Variants in PKD1 observed in about 807,000 individuals in gnomAD.
PKD1 encodes polycystin 1, transient receptor potential channel interacting.
A neutral mutation model predicts 361.7 loss-of-function variants in PKD1; 81 were observed. The observed-to-expected ratio is 0.22, with a 90% confidence interval of 0.19 to 0.27. The LOEUF is 0.27. Among genes scored for constraint, PKD1 ranks in the 10% least tolerant of loss-of-function variants. The pLI, the probability that PKD1 is intolerant of heterozygous loss-of-function variation, is 1.00. For synonymous variants in PKD1, 3,615 were observed against 2,818.3 expected, an observed-to-expected ratio of 1.28 and a Z score of -8.95; for missense variants, 6,399 against 6,118.3, an observed-to-expected ratio of 1.05 and a Z score of -1.53.
intron 6 of PKD1, among the ~76,000 whole-genome samples, 199 bp downstream of exon 6, chr16:2,117,290 T>G (rs1487156507): frequency 6.6e-6 from 1 of 152,102 alleles, no homozygotes; most frequent in African/African-American, 2.4e-5. Flanking sequence ...CCCAGGAGTG[T>G]CCGGAGGCTG....
chr16:2,116,647 G>C lies in PKD1; in HGVS notation c.1607-3C>G. 1 of 1,488,716 alleles carries C rather than the reference G, an allele frequency of 6.7e-7. No individual in the cohort carries two copies. Among genetic ancestry groups the C allele is most frequent in the Non-Finnish European group, 9.1e-7 (1 of 1,101,286 alleles). The allele number at this position is 1,488,716 out of a possible 1,614,324, so 92.2% of individuals were successfully genotyped here. ...GTTCTCGGCATCCTGCACTGGGCCT[G>C]GGGTGGCGAGTGCACAGTGAGGCGC... On this transcript the variant is annotated splice_polypyrimidine_tract_variant and splice_region_variant and intron_variant, in intron 7 of 45. Coordinates refer to ENST00000262304, the MANE Select transcript of PKD1 (RefSeq NM_001009944.3).
chr16:2,104,697 C>T, intron 21 of PKD1, 55 bp from the exon 22 acceptor site: 1 of 1,031,166 alleles, frequency 9.7e-7, no homozygotes, highest in Non-Finnish European at 1.4e-6. Context: ...CTTGCACACG[C>T]CCTCCTCTCT....
rs1453003103 is a variant in PKD1 at position 2,110,174 on chromosome 16, T to A, written c.4993A>T (p.Ser1665Cys). Residue 1665 changes from serine (S) to cysteine (C), a missense_variant, in exon 15 of 46, where the codon AGC (serine) becomes TGC (cysteine). Physicochemically the swap from Ser to Cys is moderately radical, Grantham distance 112. Transcript: ENST00000262304. Reference sequence around the variant, plus strand: ...CCCCTGTCCCTCCAGGCAGTCCAGCTGTAGGAGACGTTGGTGCCATCCCTA... The same window carrying A: ...CCCCTGTCCCTCCAGGCAGTCCAGCAGTAGGAGACGTTGGTGCCATCCCTA... The part of the protein sequence containing the change: ...VVRDGTNVSY[S>C]WTAWRDRGPA... The A allele has an allele frequency of 1.9e-6, 3 of 1,610,954 alleles. No homozygotes were observed. The South Asian group carries it at 3.3e-5, about 18-fold the overall frequency.
In PKD1 at chr16:2,089,601, C is replaced by A. The variant is rs968737633; in HGVS notation, c.*126G>T. 2 of 1,197,518 alleles carry A rather than the reference C, an allele frequency of 1.7e-6. No individual in the cohort carries two copies. The highest frequency in any genetic ancestry group is 3.0e-5 in the African/African-American group (2 of 66,642). 74.2% of individuals were successfully genotyped at this position (1,197,518 alleles called of 1,614,324 possible). A position where few individuals can be genotyped will look rare whatever the true frequency, so the allele number is the denominator to read the frequency against. ...TGAAGCCCACAGACAGACAGATGCC[C>A]CTGCCTGCTCTCTGGGGAACCTACG... On this transcript the variant is annotated 3_prime_UTR_variant, in exon 46 of 46. Coordinates refer to ENST00000262304, the MANE Select transcript of PKD1 (RefSeq NM_001009944.3).
chr16:2,105,210 A>T, intron 21 of PKD1, 112 bp downstream of exon 21: 1 of 1,001,404 alleles, frequency 1.0e-6, no homozygotes, highest in East Asian at 2.6e-5. Flanking sequence ...GGCAGGAAGG[A>T]GCCCAGGCTG....
chr16:2,104,268 G>C (rs1408900775), intron 22 of PKD1, among the ~76,000 whole-genome samples: 19 of 55,702 alleles, frequency 3.4e-4, no homozygotes, highest in East Asian at 1.5e-3. Context: ...CGGGGAGGAC[G>C]GGGGGGGAAA....
chr16:2,092,351 G>A, intron 39 of PKD1, 129 bp downstream of exon 39: 1 of 982,536 alleles, frequency 1.0e-6, no homozygotes, highest in East Asian at 2.6e-5. Context: ...ATACAGAGAA[G>A]GAAACGGCGG....
Position 2,110,956 on chromosome 16 carries a change from G to A in PKD1, c.4211C>T (p.Ala1404Val). 6.2e-7 allele frequency: 1 copy of A among 1,610,742 alleles called. No individual in the cohort carries two copies. Among genetic ancestry groups the A allele is most frequent in the Non-Finnish European group, 8.5e-7 (1 of 1,179,752 alleles). The part of the protein sequence containing the change: ...LGDEAWLVAC[A>V]WPPFPYRYTW... ...GTAGCGGTAGGGGAACGGGGGCCAGGCACATGCCACCAGCCAGGCCTCGTC... is the reference window on the plus strand; with the variant it reads ...GTAGCGGTAGGGGAACGGGGGCCAGACACATGCCACCAGCCAGGCCTCGTC... Residue 1404 changes from alanine (A) to valine (V), a missense_variant, in exon 15 of 46, where the codon GCC (alanine) becomes GTC (valine). Physicochemically the swap from Ala to Val is moderately conservative, Grantham distance 64. Coordinates refer to ENST00000262304, the MANE Select transcript of PKD1 (RefSeq NM_001009944.3).
intron 32 of PKD1, 98 bp downstream of exon 32, chr16:2,097,630 A>C: frequency 6.2e-7 from 1 of 1,610,478 alleles, no homozygotes; most frequent in South Asian, 1.1e-5. Context: ...GACCACATGG[A>C]GCCACAGACA....
intron 24 of PKD1, 50 bp downstream of exon 24, chr16:2,102,764 T>A (rs1226679175): frequency 1.2e-6 from 2 of 1,608,316 alleles, no homozygotes; most frequent in East Asian, 4.5e-5. Flanking sequence ...CAGGCAATGC[T>A]GACCCATGAT....
At chr16:2,127,129 G>A (rs1438652811) in intron 1 of PKD1, among the ~76,000 whole-genome samples, 1 of 152,168 alleles carries the variant, frequency 6.6e-6, no homozygotes, top group African/African-American at 2.4e-5. Context: ...AAAGACTCTC[G>A]GTGCCCACCA....
In PKD1 at chr16:2,097,129, C is replaced by G; in HGVS notation, c.10499+19G>C. ...CCCTCCTCTGGCAATCCCCCCTCCC[C>G]CGAGAGCCGGACACTCACAGGCTGC... On this transcript the variant is annotated intron_variant, in intron 34 of 45. Coordinates refer to ENST00000262304, the MANE Select transcript of PKD1 (RefSeq NM_001009944.3). The G allele has an allele frequency of 1.3e-6, 2 of 1,541,992 alleles. No homozygotes were observed.
chr16:2,098,625 G>A (rs1198906826), intron 30 of PKD1, among the ~76,000 whole-genome samples: 7 of 144,718 alleles, frequency 4.8e-5, no homozygotes, highest in African/African-American at 1.9e-4. Context: ...TCTGTGTGCT[G>A]CTGGGGTTAG....
Position 2,109,253 on chromosome 16 carries a change from T to C in PKD1, c.5914A>G (p.Ser1972Gly), listed in dbSNP as rs1271559004. Residue 1972 changes from serine to glycine, a missense_variant, in exon 15 of 46, where the codon AGT (serine) becomes GGT (glycine). Coordinates refer to ENST00000262304, the MANE Select transcript of PKD1 (RefSeq NM_001009944.3). ...QVRIVVLEAVSGLQVPNCCEP... is the reference protein window; with the variant it reads ...QVRIVVLEAVGGLQVPNCCEP... ...CAGCAGTTGGGCACCTGCAGCCCACTCACGGCCTCCAGCACCACGATGCGC... is the reference window on the plus strand; with the variant it reads ...CAGCAGTTGGGCACCTGCAGCCCACCCACGGCCTCCAGCACCACGATGCGC... 1 of 1,586,068 alleles carries C rather than the reference T, an allele frequency of 6.3e-7. No homozygotes were observed. Among genetic ancestry groups the C allele is most frequent in the Non-Finnish European group, 8.6e-7 (1 of 1,165,870 alleles).
intron 20 of PKD1, 77 bp from the exon 21 acceptor site, chr16:2,105,551 C>T (rs2151767715): frequency 1.9e-6 from 3 of 1,595,010 alleles, no homozygotes; most frequent in Non-Finnish European, 2.5e-6. Context: ...CCCACGACTC[C>T]CGGGGTGCAG....
At position 2,108,566 on chromosome 16, in the gene PKD1, G is replaced by T; in HGVS notation, c.6601C>A (p.Pro2201Thr). ...RTASCQRPGR[P>T]ARVALPGVDV... ...ACGCCGGGCAGGGCCACACGCGCTGGGCGCCCCGGCCGCTGGCAGCTGGCG... is the reference window on the plus strand; with the variant it reads ...ACGCCGGGCAGGGCCACACGCGCTGTGCGCCCCGGCCGCTGGCAGCTGGCG... Residue 2201 changes from proline (P) to threonine (T), a missense_variant, in exon 15 of 46, where the codon CCA becomes ACA. Transcript: ENST00000262304. 6.3e-7 allele frequency: 1 copy of T among 1,575,334 alleles called. No homozygotes were observed. The highest frequency in any genetic ancestry group is 1.3e-5 in the African/African-American group (1 of 74,440).
At position 2,114,779 on chromosome 16, in the gene PKD1, C is replaced by T. The variant is rs557661193; in HGVS notation, c.2244G>A (p.Ser748=). Residue 748 remains serine, a synonymous_variant, in exon 11 of 46, where the codon TCG becomes TCA. Transcript: ENST00000262304. ...GGGCTGGCAAGTGGGGCAGCCATGA[C>T]GAGGCGTTGGCGGAGAGGTACGGGG... ...PRAPYLSANA[S]SWLPHLPAQL... is the part of the protein sequence containing the mutation. 2.0e-5 allele frequency: 27 copies of T among 1,338,510 alleles called. No homozygotes were observed. Among genetic ancestry groups the T allele is most frequent in the East Asian group, 5.0e-5 (2 of 39,842 alleles). The allele number at this position is 1,338,510 out of a possible 1,614,324, so 82.9% of individuals were successfully genotyped here. A position where few individuals can be genotyped will look rare whatever the true frequency, so the allele number is the denominator to read the frequency against.
intron 10 of PKD1, 171 bp downstream of exon 10, chr16:2,115,207 C>T (rs1416238051): frequency 1.6e-5 from 9 of 576,158 alleles, no homozygotes; most frequent in Non-Finnish European, 2.0e-5. Context: ...GAGAGCTTCT[C>T]CCACTGGGAG....
At position 2,103,564 on chromosome 16, in the gene PKD1, G is replaced by A. The variant is rs2092194662; in HGVS notation, c.8493C>T (p.Ser2831=). ...TGATATAGCCAAAGGGAAAGGGATT[G>A]GAGTCCACCAGAAAGATGAGCTGCA... ...DVVQLIFLVD[S]NPFPFGYISN... The change falls in exon 23 of 46, where the codon TCC becomes TCT. Residue 2831 remains serine (S), a synonymous_variant. Transcript: ENST00000262304. The A allele has an allele frequency of 1.9e-6, 3 of 1,609,912 alleles. No homozygotes were observed. The highest frequency in any genetic ancestry group is 1.3e-5 in the African/African-American group (1 of 74,854).
Sources: allele counts gnomAD v4.1 joint callset (sites outside exome capture counted in the v4.1 genomes callset), GRCh38; gene constraint gnomAD v4.1.1; transcripts MANE v1.5; gene names NCBI Gene and HGNC (gene_info 2026-07-23, HGNC 2026-07-21).